Variants in MSH4 observed in about 807,000 individuals in gnomAD.
MSH4 encodes the protein mutS homolog 4, also known as mutS protein homolog 4.
MSH4 carries 106 observed loss-of-function variants against 113.7 expected under a neutral mutation model. The ratio of observed to expected loss-of-function variants is 0.93; its 90% CI spans 0.80 to 1.10. The LOEUF (loss-of-function observed/expected upper bound fraction) is 1.10, where lower values mean the gene tolerates loss of function less well. Ranked by LOEUF, MSH4 falls within the 50% of genes least tolerant of loss-of-function variation. The pLI, the probability that MSH4 is intolerant of heterozygous loss-of-function variation, is 0.00. For synonymous variants in MSH4, 368 were observed against 380.2 expected (o/e 0.97, Z 0.37); for missense variants, 1,061 against 1,093.7 (o/e 0.97, Z 0.42).
intron 17 of MSH4, among the ~76,000 whole-genome samples, 185 bp downstream of exon 17, chr1:75,891,009 T>C (rs1033818775): frequency 1.3e-5 from 2 of 152,160 alleles, no homozygotes; most frequent in African/African-American, 4.8e-5. Flanking sequence ...TTGATAACCA[T>C]GATATAGATA....
At chr1:75,876,476 C>T (rs573645943) in intron 9 of MSH4, among the ~76,000 whole-genome samples, 1 of 151,948 alleles carries the variant, frequency 6.6e-6, no homozygotes, top group East Asian at 1.9e-4. Flanking sequence ...GTTAGTGACC[C>T]CCTCATAGTT....
At chr1:75,892,394 CTT>C (rs776124378) in intron 17 of MSH4, among the ~76,000 whole-genome samples, 1,648 of 151,772 alleles carry the variant, frequency 0.011, 18 homozygotes, top group Middle Eastern at 0.027. Context: ...CTCTCTCTCT[CTT>C]TCTCTCTCTC....
intron 7 of MSH4, among the ~76,000 whole-genome samples, chr1:75,841,132 G>A (rs1024838601): frequency 6.6e-6 from 1 of 151,652 alleles, no homozygotes; most frequent in Non-Finnish European, 1.5e-5. Context: ...CACGCCATTG[G>A]CTATGATCTT....
intron 12 of MSH4, 71 bp from the exon 13 acceptor site, chr1:75,879,979 T>C (rs1651895567): frequency 5.3e-6 from 4 of 747,764 alleles, no homozygotes; most frequent in Non-Finnish European, 9.3e-6. Context: ...CCCATATTTC[T>C]GTTGTTTAAA....
Position 75,906,962 on chromosome 1 carries a change from T to C in MSH4, c.2620-5734T>C, listed in dbSNP as rs575572973. Among the ~76,000 whole-genome samples the C allele has an allele frequency of 1.2e-4, 19 of 152,006 alleles. No homozygotes were observed. In the East Asian group the frequency reaches 2.3e-3, roughly 19 times the overall value. ...CATTCTCCTGCCTCAGCCTCCTGAG[T>C]AGCTGGGACTACAGGCGCCCACCAC... On this transcript the variant is annotated intron_variant, in intron 19 of 19. Coordinates refer to ENST00000263187, the MANE Select transcript of MSH4 (RefSeq NM_002440.4).
chr1:75,848,306 T>A, intron 8 of MSH4, 30 bp downstream of exon 8: 1 of 1,336,062 alleles, frequency 7.5e-7, no homozygotes, highest in Non-Finnish European at 1.1e-6. Context: ...TTGTATTATA[T>A]TATTATACAT....
rs369840201 is a variant in MSH4, at chr1:75,878,807, C to T, written c.1541-185C>T. On this transcript the variant is annotated intron_variant, in intron 11 of 19. Transcript: ENST00000263187. ...ATTGTGCCACTGTGCTCAGCCTGGG[C>T]GACAGAGTGAGATCTGTCTTGAAAA... 2.1e-4 allele frequency among the ~76,000 whole-genome samples: 31 copies of T among 146,404 alleles called. No homozygotes were observed. The South Asian group carries it at 6.3e-3, about 30-fold the overall frequency.
chr1:75,904,197 G>T (rs1020903230), intron 19 of MSH4, among the ~76,000 whole-genome samples: 2 of 152,196 alleles, frequency 1.3e-5, no homozygotes, highest in East Asian at 3.9e-4. Flanking sequence ...TATCATTCTG[G>T]CATCCCTGGG....
intron 8 of MSH4, among the ~76,000 whole-genome samples, chr1:75,861,074 G>A (rs931429430): frequency 2.6e-5 from 4 of 152,136 alleles, no homozygotes; most frequent in Non-Finnish European, 1.5e-5. Context: ...ACTTGTGTAT[G>A]CTTCAGGAAG....
chr1:75,856,766 A>G (rs767817553), intron 8 of MSH4, among the ~76,000 whole-genome samples: 21 of 152,200 alleles, frequency 1.4e-4, no homozygotes, highest in Non-Finnish European at 2.6e-4. Flanking sequence ...ATGTGTCTTT[A>G]TCGTAGAATG....
intron 7 of MSH4, among the ~76,000 whole-genome samples, chr1:75,836,813 A>G (rs532417838): frequency 3.7e-4 from 56 of 152,130 alleles, no homozygotes; most frequent in African/African-American, 1.3e-3. Flanking sequence ...CTTATTTCCT[A>G]AATGCTATGG....
chr1:75,799,487 G>C (rs1461658518), intron 1 of MSH4, among the ~76,000 whole-genome samples: 1 of 152,318 alleles, frequency 6.6e-6, no homozygotes, highest in South Asian at 2.1e-4. Flanking sequence ...TATAATTAAA[G>C]TATGGGGACA....
intron 15 of MSH4, among the ~76,000 whole-genome samples, chr1:75,885,057 G>GA (rs1652038426): frequency 8.7e-6 from 1 of 114,532 alleles, no homozygotes; most frequent in African/African-American, 3.9e-5. Flanking sequence ...GTGTGTGTGT[G>GA]TGTATATATA....
intron 9 of MSH4, among the ~76,000 whole-genome samples, chr1:75,876,188 G>A (rs1265935705): frequency 6.6e-6 from 1 of 151,998 alleles, no homozygotes; most frequent in African/African-American, 2.4e-5. Flanking sequence ...TACTCAACCT[G>A]GATTAAGTCG....
chr1:75,882,677 A>G (rs1190280820), intron 14 of MSH4, among the ~76,000 whole-genome samples: 1 of 150,798 alleles, frequency 6.6e-6, no homozygotes. Context: ...AAAAAAAAAA[A>G]AAAAAAAAAA....
At chr1:75,878,451 C>T in intron 11 of MSH4, 133 bp downstream of exon 11, 2 of 676,814 alleles carry the variant, frequency 3.0e-6, no homozygotes, top group Non-Finnish European at 4.8e-6. Flanking sequence ...ATAAGGTTAG[C>T]ATGTAGTGCC....
At chr1:75,805,505 G>A (rs1812589) in intron 2 of MSH4, among the ~76,000 whole-genome samples, 123,510 of 150,756 alleles carry the variant, frequency 0.82, 51,394 homozygotes, top group South Asian at 0.94. Context: ...CTCCTGCCTC[G>A]GCCTCCCGAG....
chr1:75,847,396 G>T (rs1651097125), intron 7 of MSH4, among the ~76,000 whole-genome samples: 1 of 152,150 alleles, frequency 6.6e-6, no homozygotes, highest in African/African-American at 2.4e-5. Flanking sequence ...GTTAGTGGTT[G>T]AACTATACTT....
chr1:75,842,613 G>T (rs1354525843), intron 7 of MSH4, among the ~76,000 whole-genome samples: 2 of 152,084 alleles, frequency 1.3e-5, no homozygotes, highest in Non-Finnish European at 2.9e-5. Context: ...ACAGAGATAG[G>T]AGCTGAGGAG....
Sources: gnomAD v4.1 joint callset for allele counts (sites outside exome capture counted in the v4.1 genomes callset) on GRCh38, gnomAD v4.1.1 for gene constraint, MANE v1.5 for transcripts, NCBI Gene and HGNC (gene_info 2026-07-23, HGNC 2026-07-21) for gene names.